SLC12A5: variants seen among roughly 807,000 people sequenced by gnomAD.
SLC12A5 encodes the protein solute carrier family 12 member 5.
A neutral mutation model predicts 124.0 loss-of-function variants in SLC12A5; 18 were observed. That is an observed-to-expected ratio of 0.15 (90% confidence interval 0.10 to 0.22). SLC12A5 has a LOEUF of 0.22. Among genes scored for constraint, SLC12A5 ranks in the 10% least tolerant of loss-of-function variants. The pLI, the probability that SLC12A5 is intolerant of heterozygous loss-of-function variation, is 1.00. For missense variants in SLC12A5, 867 were observed against 1,478.7 expected, an observed-to-expected ratio of 0.59 and a Z score of 6.78; for synonymous variants, 589 against 568.0, an observed-to-expected ratio of 1.04 and a Z score of -0.53.
chr20:46,034,689 G>A (rs978844901), intron 1 of SLC12A5, among the ~76,000 whole-genome samples: 1 of 152,070 alleles, frequency 6.6e-6, no homozygotes, highest in Non-Finnish European at 1.5e-5. Flanking sequence ...AGAGTCTTGG[G>A]GTGTCCTGGT....
At chr20:46,033,236 G>T (rs898428734) in intron 1 of SLC12A5, among the ~76,000 whole-genome samples, 2 of 152,154 alleles carry the variant, frequency 1.3e-5, no homozygotes, top group African/African-American at 4.8e-5. Context: ...GGATGGAGAT[G>T]GGGAGAAAGG....
At chr20:46,038,871 G>T (rs368408847) in intron 6 of SLC12A5, among the ~76,000 whole-genome samples, 45 of 152,376 alleles carry the variant, frequency 3.0e-4, no homozygotes, top group Admixed American at 2.2e-3. Context: ...CAGGATGGAA[G>T]AGGGTAGGAC....
chr20:46,042,646 G>A (rs2084557916), intron 8 of SLC12A5, among the ~76,000 whole-genome samples: 1 of 152,154 alleles, frequency 6.6e-6, no homozygotes, highest in Non-Finnish European at 1.5e-5. Context: ...AGTGTCACTA[G>A]TGCCACAGTG....
At chr20:46,022,043 C>G in intron 1 of SLC12A5, 13 of 923,882 alleles carry the variant, frequency 1.4e-5, no homozygotes, top group Non-Finnish European at 1.9e-5. Context: ...ACTAGGAAAC[C>G]AAGGGGCCGG....
intron 16 of SLC12A5, among the ~76,000 whole-genome samples, chr20:46,048,823 G>C (rs746854628): frequency 6.0e-5 from 9 of 150,998 alleles, no homozygotes; most frequent in Non-Finnish European, 1.3e-4. Flanking sequence ...AGCCGAGATT[G>C]TACCACTGCA....
upstream of SLC12A5, among the ~76,000 whole-genome samples, chr20:46,027,419 C>G (rs951586586): frequency 7.2e-5 from 11 of 152,158 alleles, no homozygotes; most frequent in African/African-American, 2.4e-4. Context: ...TGTATTAATA[C>G]AAGTAAAGCT....
In SLC12A5 at chr20:46,049,867, C is replaced by G. The variant is rs963777399; in HGVS notation, c.2181+77C>G. ...ACAGTCTCTATCCTTTTGTACTTTCCTTCCTCATCACCTTCAGGATCAAAG... is the reference window on the plus strand; with the variant it reads ...ACAGTCTCTATCCTTTTGTACTTTCGTTCCTCATCACCTTCAGGATCAAAG... On this transcript the variant is annotated intron_variant, in intron 17 of 25. Transcript: ENST00000243964. The G allele has an allele frequency of 8.4e-6, 12 of 1,434,608 alleles. No homozygotes were observed. The African/African-American group carries it at 1.6e-4, about 19-fold the overall frequency. 88.9% of individuals were successfully genotyped at this position (1,434,608 alleles called of 1,614,324 possible).
At chr20:46,025,611 C>T (rs1328319001), upstream of SLC12A5, among the ~76,000 whole-genome samples, 1 of 152,024 alleles carries the variant, frequency 6.6e-6, no homozygotes, top group Non-Finnish European at 1.5e-5. Flanking sequence ...TGGACTGAGT[C>T]TGCAGAGGAA....
chr20:46,022,364 C>A (rs2084363061), intron 1 of SLC12A5, among the ~76,000 whole-genome samples: 2 of 128,610 alleles, frequency 1.6e-5, no homozygotes, highest in Non-Finnish European at 3.2e-5. Context: ...CAGGAAAGGG[C>A]GGGACTAGTA....
upstream of SLC12A5, chr20:46,029,066 C>T: frequency 8.2e-7 from 1 of 1,224,404 alleles, no homozygotes; most frequent in Non-Finnish European, 1.0e-6. Flanking sequence ...CTTCTCTTCT[C>T]TCTCCCTCCC....
intron 21 of SLC12A5, chr20:46,055,841 T>C (rs2084685244): frequency 3.0e-6 from 1 of 335,420 alleles, no homozygotes; most frequent in African/African-American, 2.1e-5. Context: ...GTAGTAAAAA[T>C]GGTAAAACAT....
chr20:46,040,899 G>A (rs949140142), intron 7 of SLC12A5: 47 of 481,186 alleles, frequency 9.8e-5, no homozygotes, highest in Middle Eastern at 5.6e-4. Context: ...AGCAATGAAT[G>A]CTGTCTGTGG....
chr20:46,055,418 T>C (rs577228580), intron 21 of SLC12A5, among the ~76,000 whole-genome samples: 16 of 152,020 alleles, frequency 1.1e-4, no homozygotes, highest in Non-Finnish European at 2.4e-4. Context: ...GAGATATAAC[T>C]GATGTGTGGG....
In SLC12A5 at chr20:46,052,807, A is replaced by C. The variant is rs756080890; in HGVS notation, c.2378-150A>C. Reference sequence around the variant, plus strand: ...TAAATATATGATGGGGCCCAAGTAGATGCTGGTTTTCTGACCACTCAGCCC... The same window carrying C: ...TAAATATATGATGGGGCCCAAGTAGCTGCTGGTTTTCTGACCACTCAGCCC... On this transcript the variant is annotated intron_variant, in intron 18 of 25. Coordinates refer to ENST00000243964, the MANE Select transcript of SLC12A5 (RefSeq NM_020708.5). 2.1e-5 allele frequency: 16 copies of C among 750,348 alleles called. No individual in the cohort carries two copies. In the Middle Eastern group the frequency reaches 8.9e-4, roughly 42 times the overall value. 46.5% of individuals were successfully genotyped at this position (750,348 alleles called of 1,614,324 possible).
upstream of SLC12A5, among the ~76,000 whole-genome samples, chr20:46,027,439 A>G (rs542959643): frequency 2.0e-5 from 3 of 152,156 alleles, no homozygotes; most frequent in East Asian, 1.9e-4. Flanking sequence ...TGAGCCCTGG[A>G]TCCTGTCCAT....
intron 21 of SLC12A5, chr20:46,055,910 C>G (rs1265644285): frequency 1.1e-5 from 6 of 532,324 alleles, no homozygotes; most frequent in Non-Finnish European, 2.0e-5. Context: ...CTAGGCAGAG[C>G]CTTGCTGTGC....
At chr20:46,047,363 G>GT in intron 14 of SLC12A5, 91 bp from the exon 15 acceptor site, 1 of 1,553,590 alleles carries the variant, frequency 6.4e-7, no homozygotes, top group Non-Finnish European at 8.7e-7. Context: ...TCTTGCCCAT[G>GT]CCCTGCCCCA....
At chr20:46,037,464 G>C in intron 6 of SLC12A5, 79 bp downstream of exon 6, 8 of 1,433,108 alleles carry the variant, frequency 5.6e-6, no homozygotes, top group Non-Finnish European at 7.4e-6. Context: ...CCTCCTATAG[G>C]CCAGGCCATT....
At chr20:46,048,109 G>A (rs1409436480) in intron 16 of SLC12A5, 24 bp downstream of exon 16, 1 of 1,585,092 alleles carries the variant, frequency 6.3e-7, no homozygotes, top group Non-Finnish European at 8.6e-7. Flanking sequence ...GCACGGGTGT[G>A]CATAAGAGTG....
Sources: gnomAD v4.1 joint callset for allele counts (sites outside exome capture counted in the v4.1 genomes callset) on GRCh38, gnomAD v4.1.1 for gene constraint, MANE v1.5 for transcripts, NCBI Gene and HGNC (gene_info 2026-07-23, HGNC 2026-07-21) for gene names.